Variants in ACCSL observed in about 807,000 individuals in gnomAD.
ACCSL encodes 1-aminocyclopropane-1-carboxylate synthase homolog (inactive) like.
Under a neutral mutation model 61.7 loss-of-function variants are expected in ACCSL, and 55 were observed. That is an observed-to-expected ratio of 0.89 (90% CI 0.72 to 1.12). ACCSL has a LOEUF of 1.12. Among genes scored for constraint, ACCSL ranks in the 50% most tolerant of loss-of-function variants. The pLI, the probability that ACCSL is intolerant of heterozygous loss-of-function variation, is 0.00. For missense variants in ACCSL, 632 were observed against 698.0 expected, an observed-to-expected ratio of 0.91 and a Z score of 1.07; for synonymous variants, 258 against 264.3, an observed-to-expected ratio of 0.98 and a Z score of 0.23.
the ACCSL span, among the ~76,000 whole-genome samples, chr11:43,975,548 C>T: frequency 6.6e-6 from 1 of 152,152 alleles, no homozygotes; most frequent in Non-Finnish European, 1.5e-5. Context: ...GGTGTTGTCT[C>T]TCACCAGAAG....
chr11:43,961,807 GC>G, the ACCSL span, among the ~76,000 whole-genome samples: 1 of 151,954 alleles, frequency 6.6e-6, no homozygotes, highest in Non-Finnish European at 1.5e-5. Flanking sequence ...TCACACTTCA[GC>G]TATAACAGGA....
At chr11:43,990,312 T>C in the ACCSL span, among the ~76,000 whole-genome samples, 2 of 152,226 alleles carry the variant, frequency 1.3e-5, no homozygotes, top group Admixed American at 1.3e-4. Flanking sequence ...CATAGTAATT[T>C]ATGTCTCATT....
the ACCSL span, among the ~76,000 whole-genome samples, chr11:43,960,618 C>G: frequency 2.6e-5 from 4 of 152,160 alleles, no homozygotes; most frequent in African/African-American, 7.2e-5. Context: ...CTCCTGACCT[C>G]AAGTGATCTG....
At chr11:43,972,543 G>T in the ACCSL span, among the ~76,000 whole-genome samples, 2 of 152,186 alleles carry the variant, frequency 1.3e-5, no homozygotes, top group African/African-American at 4.8e-5. Context: ...ATGCTTGGCT[G>T]CCCAGTCCTG....
At chr11:44,029,786 C>A in the ACCSL span, among the ~76,000 whole-genome samples, 424 of 152,106 alleles carry the variant, frequency 2.8e-3, 3 homozygotes, top group African/African-American at 9.8e-3. Flanking sequence ...TCCAGAGGAG[C>A]AGTGTGATCT....
chr11:43,972,882 C>T, the ACCSL span, among the ~76,000 whole-genome samples: 1 of 152,302 alleles, frequency 6.6e-6, no homozygotes, highest in Admixed American at 6.5e-5. Flanking sequence ...AGGCCTCACA[C>T]CTGTAATCCT....
the ACCSL span, among the ~76,000 whole-genome samples, chr11:44,042,178 A>C: frequency 2.0e-5 from 3 of 152,280 alleles, no homozygotes; most frequent in South Asian, 2.1e-4. Context: ...TATTTATTTG[A>C]CTATAAAGTA....
At position 44,048,375 on chromosome 11, in the gene ACCSL, C is replaced by A. The variant is rs1415791660; in HGVS notation, c.339C>A (p.Leu113=). ...TCAGATATGGGCAGAGGGCCCAACT[C>A]TCTGGGCAGCCTGATCCAGTTCCCC... ...GDVRYGQRAQ[L]SGQPDPVPQL... is the part of the protein sequence containing the mutation. The change falls in exon 1 of 14, where the codon CTC becomes CTA. Residue 113 remains leucine, a synonymous_variant. Coordinates refer to ENST00000378832, the MANE Select transcript of ACCSL (RefSeq NM_001031854.2). 6.2e-7 allele frequency: 1 copy of A among 1,614,048 alleles called. No individual in the cohort carries two copies. The highest frequency in any genetic ancestry group is 8.5e-7 in the Non-Finnish European group (1 of 1,180,032).
chr11:43,982,854 TG>T, the ACCSL span, among the ~76,000 whole-genome samples: 1 of 152,070 alleles, frequency 6.6e-6, no homozygotes, highest in Non-Finnish European at 1.5e-5. Flanking sequence ...ATTCACACGG[TG>T]GGAGAAGAGA....
the ACCSL span, among the ~76,000 whole-genome samples, chr11:43,964,312 C>G: frequency 6.6e-6 from 1 of 151,880 alleles, no homozygotes; most frequent in Non-Finnish European, 1.5e-5. Context: ...TGGTGGGCAC[C>G]TGTAGTCCCA....
At chr11:44,038,478 G>A in the ACCSL span, among the ~76,000 whole-genome samples, 1 of 152,314 alleles carries the variant, frequency 6.6e-6, no homozygotes, top group Non-Finnish European at 1.5e-5. Flanking sequence ...AAGCAGGAAT[G>A]CGCAGAGTGG....
chr11:44,059,101 G>A (rs11037849), intron 13 of ACCSL, among the ~76,000 whole-genome samples: 3 of 152,124 alleles, frequency 2.0e-5, no homozygotes, highest in African/African-American at 7.2e-5. Flanking sequence ...AATTAGCCAC[G>A]CATGGTGGCG....
intron 8 of ACCSL, among the ~76,000 whole-genome samples, chr11:44,053,915 T>C (rs1164194853): frequency 6.6e-6 from 1 of 152,228 alleles, no homozygotes; most frequent in Admixed American, 6.5e-5. Context: ...TGCAGAGTTA[T>C]GTAAAACTAA....
At chr11:43,947,744 AGAGAGAGAGAGAGAGAGAGAGG>A in the ACCSL span, among the ~76,000 whole-genome samples, 1 of 2,860 alleles carries the variant, frequency 3.5e-4, no homozygotes, top group Non-Finnish European at 1.4e-3. Context: ...AGTGAAAGAG[AGAGAGAGAGAGAGAGAGAGAGG>A]GAGAGAGAGA....
At chr11:43,977,905 G>A in the ACCSL span, among the ~76,000 whole-genome samples, 12 of 151,870 alleles carry the variant, frequency 7.9e-5, no homozygotes, top group East Asian at 5.8e-4. Context: ...ATGCTTGTAC[G>A]TCATATAGAA....
rs766738383 is a variant in ACCSL, at chr11:44,058,388, G to A, written c.1399G>A (p.Glu467Lys). 1 of 1,614,144 alleles carries A rather than the reference G, an allele frequency of 6.2e-7. No individual in the cohort carries two copies. Among genetic ancestry groups the A allele is most frequent in the South Asian group, 1.1e-5 (1 of 91,078 alleles). Residue 467 changes from glutamate to lysine, a missense_variant, in exon 12 of 14, where the codon GAG becomes AAG. Coordinates refer to ENST00000378832, the MANE Select transcript of ACCSL (RefSeq NM_001031854.2). Reference protein sequence around the residue: ...LREAHKYITAELKALEIPFHN... With the variant: ...LREAHKYITAKLKALEIPFHN... The stretch of plus-strand genomic sequence containing the variant: ...GGAAGCTCACAAGTACATCACTGCT[G>A]AGCTGAAGGCATTGGAGATCCCTTT...
chr11:44,023,316 G>C, the ACCSL span, among the ~76,000 whole-genome samples: 31 of 152,060 alleles, frequency 2.0e-4, no homozygotes, highest in African/African-American at 7.2e-4. Flanking sequence ...GCCTCCTAAA[G>C]TGTTGCGATT....
rs751143786 is a variant in ACCSL, at chr11:44,050,614, G to A, written c.627G>A (p.Gly209=). 2.0e-5 allele frequency: 33 copies of A among 1,613,860 alleles called. No homozygotes were observed. Among genetic ancestry groups the A allele is most frequent in the Non-Finnish European group, 2.7e-5 (32 of 1,179,962 alleles). ...DTLLQYPDWR[G]QPFLREEVAR... ...TGCTTCAGTACCCTGATTGGAGAGG[G>A]CAGCCATTGTAAGTGACCTTCAGAT... Residue 209 remains glycine (G), a synonymous_variant, in exon 3 of 14, where the codon GGG becomes GGA. Transcript: ENST00000378832.
At chr11:43,999,828 C>T in the ACCSL span, among the ~76,000 whole-genome samples, 1 of 149,220 alleles carries the variant, frequency 6.7e-6, no homozygotes, top group Non-Finnish European at 1.5e-5. Flanking sequence ...CTGTGGGTTC[C>T]ACATCCACAG....
Sources: gnomAD v4.1 joint callset for allele counts (sites outside exome capture counted in the v4.1 genomes callset) on GRCh38, gnomAD v4.1.1 for gene constraint, MANE v1.5 for transcripts, NCBI Gene and HGNC (gene_info 2026-07-23, HGNC 2026-07-21) for gene names.